The following LRRC49 variants were observed in gnomAD, a reference collection of about 807,000 sequenced individuals.
LRRC49 encodes leucine rich repeat containing 49.
In LRRC49, 50 loss-of-function variants were observed where a neutral mutation model predicts 83.3. The ratio of observed to expected loss-of-function variants is 0.60; its 90% CI spans 0.48 to 0.76. The LOEUF is 0.76. LRRC49 is among the 30% of genes least tolerant of loss of function. LRRC49 has a pLI of 0.00. For missense variants in LRRC49, 704 were observed against 809.1 expected (o/e 0.87, Z 1.58); for synonymous variants, 286 against 283.3 (o/e 1.01, Z -0.10).
chr15:71,026,021 C>G (rs973191783), intron 14 of LRRC49, among the ~76,000 whole-genome samples: 2 of 152,048 alleles, frequency 1.3e-5, no homozygotes, highest in African/African-American at 4.8e-5. Flanking sequence ...TCAAGTGGAC[C>G]TTATAGATAT....
chr15:70,887,731 G>A (rs1382350175), upstream of LRRC49, among the ~76,000 whole-genome samples: 2 of 152,064 alleles, frequency 1.3e-5, no homozygotes, highest in African/African-American at 4.8e-5. Flanking sequence ...CACTGTACTG[G>A]ACATTCAAGC....
chr15:70,932,048 G>T (rs2035426400), intron 7 of LRRC49, among the ~76,000 whole-genome samples: 1 of 152,176 alleles, frequency 6.6e-6, no homozygotes, highest in African/African-American at 2.4e-5. Flanking sequence ...GCATATCAGT[G>T]CCTTCTTACT....
At chr15:70,923,162 G>A (rs554445403) in intron 7 of LRRC49, among the ~76,000 whole-genome samples, 2 of 151,878 alleles carry the variant, frequency 1.3e-5, no homozygotes, top group African/African-American at 2.4e-5. Context: ...GTGTTATTTA[G>A]AAGTACACCT....
chr15:70,874,652 G>A (rs2033115677), intron 2 of LRRC49, among the ~76,000 whole-genome samples: 1 of 152,150 alleles, frequency 6.6e-6, no homozygotes, highest in African/African-American at 2.4e-5. Context: ...TTGACAAAAT[G>A]AGGCATTTTA....
At chr15:71,047,062 C>T (rs1398128206) in intron 15 of LRRC49, among the ~76,000 whole-genome samples, 8 of 152,116 alleles carry the variant, frequency 5.3e-5, no homozygotes, top group Admixed American at 4.6e-4. Context: ...CTGTTTTTTA[C>T]CAGTACCAAA....
At chr15:70,945,224 C>G (rs1388516216) in intron 8 of LRRC49, among the ~76,000 whole-genome samples, 1 of 152,196 alleles carries the variant, frequency 6.6e-6, no homozygotes, top group African/African-American at 2.4e-5. Flanking sequence ...ATGCTATGAT[C>G]TGTAAGTACC....
At chr15:70,940,309 C>T (rs949384459) in intron 8 of LRRC49, among the ~76,000 whole-genome samples, 28 of 142,966 alleles carry the variant, frequency 2.0e-4, no homozygotes, top group Admixed American at 3.7e-4. Context: ...CAGGCTGGAG[C>T]GCAGTAGCGC....
intron 7 of LRRC49, among the ~76,000 whole-genome samples, chr15:70,927,485 C>A (rs1050713881): frequency 6.6e-6 from 1 of 152,050 alleles, no homozygotes; most frequent in Non-Finnish European, 1.5e-5. Context: ...TTTAGTGAAG[C>A]TCAGTTTAGC....
intron 11 of LRRC49, among the ~76,000 whole-genome samples, chr15:71,004,072 T>A (rs2038364480): frequency 6.6e-6 from 1 of 152,218 alleles, no homozygotes; most frequent in African/African-American, 2.4e-5. Context: ...TTGGAGGTGC[T>A]TAAAAACTTG....
chr15:71,024,731 C>T (rs745953939), intron 14 of LRRC49, among the ~76,000 whole-genome samples: 2 of 151,840 alleles, frequency 1.3e-5, no homozygotes, highest in Non-Finnish European at 2.9e-5. Context: ...AACACCTCTC[C>T]AGCAAGGACA....
chr15:70,936,677 A>G (rs1473441151), intron 7 of LRRC49, 84 bp from the exon 8 acceptor site: 3 of 818,220 alleles, frequency 3.7e-6, no homozygotes, highest in African/African-American at 1.7e-5. Context: ...AGAAATGATT[A>G]TATATTTCAA....
intron 1 of LRRC49, among the ~76,000 whole-genome samples, chr15:70,861,587 G>C (rs553356117): frequency 3.3e-5 from 5 of 152,072 alleles, no homozygotes; most frequent in African/African-American, 1.2e-4. Context: ...AACATCCCCA[G>C]TTTGGGTCCC....
intron 7 of LRRC49, among the ~76,000 whole-genome samples, chr15:70,929,967 A>G (rs1239792682): frequency 6.6e-6 from 1 of 152,070 alleles, no homozygotes; most frequent in Non-Finnish European, 1.5e-5. Context: ...TGAACCCCTC[A>G]AAGTCATCCA....
intron 8 of LRRC49, 86 bp downstream of exon 8, chr15:70,936,908 A>G: frequency 1.2e-6 from 1 of 822,760 alleles, no homozygotes; most frequent in Non-Finnish European, 2.0e-6. Flanking sequence ...AATACCTTGG[A>G]GAATTTTACT....
chr15:70,932,360 A>G (rs931585045), intron 7 of LRRC49, among the ~76,000 whole-genome samples: 7 of 152,290 alleles, frequency 4.6e-5, no homozygotes, highest in African/African-American at 1.7e-4. Context: ...AATTAATTTA[A>G]TAAGTCTTTT....
chr15:71,040,761 A>G (rs924917397), intron 15 of LRRC49, among the ~76,000 whole-genome samples: 4 of 145,704 alleles, frequency 2.7e-5, no homozygotes, highest in African/African-American at 1.0e-4. Context: ...TGGAGCTTGC[A>G]GTGAGCCGAG....
At chr15:70,888,792 C>A (rs1351684943), upstream of LRRC49, among the ~76,000 whole-genome samples, 1 of 152,014 alleles carries the variant, frequency 6.6e-6, no homozygotes, top group East Asian at 1.9e-4. Flanking sequence ...GAAAAATGGG[C>A]TAGATTTAAA....
intron 12 of LRRC49, among the ~76,000 whole-genome samples, chr15:71,009,027 T>C (rs2038559005): frequency 6.6e-6 from 1 of 151,946 alleles, no homozygotes; most frequent in Non-Finnish European, 1.5e-5. Context: ...CTCATTAAAA[T>C]TACTTTGAGA....
At chr15:70,934,837 G>A (rs2035542317) in intron 7 of LRRC49, among the ~76,000 whole-genome samples, 3 of 152,150 alleles carry the variant, frequency 2.0e-5, no homozygotes, top group South Asian at 4.1e-4. Context: ...AACAATGATT[G>A]TGCCCAGAAA....
Sources: allele counts gnomAD v4.1 joint callset (sites outside exome capture counted in the v4.1 genomes callset), GRCh38; gene constraint gnomAD v4.1.1; transcripts MANE v1.5; gene names NCBI Gene and HGNC (gene_info 2026-07-23, HGNC 2026-07-21).